Variants in AKAP9 observed in about 807,000 individuals in gnomAD.
AKAP9 encodes the protein A-kinase anchor protein 9.
Under a neutral mutation model 488.5 loss-of-function variants are expected in AKAP9, and 311 were observed. The ratio of observed to expected loss-of-function variants is 0.64; its 90% CI spans 0.58 to 0.70. The LOEUF is 0.70. Ranked by LOEUF, AKAP9 falls within the 30% of genes least tolerant of loss-of-function variation. AKAP9 has a pLI of 0.00. For synonymous variants in AKAP9, 1,462 were observed against 1,483.5 expected (o/e 0.99, Z 0.33); for missense variants, 4,215 against 4,374.5 (o/e 0.96, Z 1.03).
rs1805987918 is a variant in AKAP9 at position 92,040,876 on chromosome 7, G to A, written c.4895G>A (p.Arg1632Lys). 4 of 1,613,100 alleles carry A rather than the reference G, an allele frequency of 2.5e-6. No individual in the cohort carries two copies. Among genetic ancestry groups the A allele is most frequent in the Non-Finnish European group, 3.4e-6 (4 of 1,179,504 alleles). The change falls in exon 18 of 50, where the codon AGA (arginine) becomes AAA (lysine). Residue 1632 changes from arginine (R) to lysine (K), a missense_variant. This residue lies in a region of AKAP9 where 2,361 missense variants were observed against 2,430.0 expected (regional missense o/e 0.97). Transcript: ENST00000356239. ...DQEQLQEEIK[R>K]LNRQLAQRSS... ...GAACAGCTACAAGAAGAGATTAAGA[G>A]ACTTAATAGACAATTAGCCCAGGTA...
intron 2 of AKAP9, among the ~76,000 whole-genome samples, chr7:91,974,211 A>G (rs576975027): frequency 6.6e-6 from 1 of 152,226 alleles, no homozygotes; most frequent in Non-Finnish European, 1.5e-5. Flanking sequence ...CAGAGTTACA[A>G]AGATGGATAT....
At position 92,001,010 on chromosome 7, in the gene AKAP9, C is replaced by G. The variant is rs1212247049; in HGVS notation, c.1093C>G (p.Gln365Glu). Residue 365 changes from glutamine (Q) to glutamate (E), a missense_variant, in exon 8 of 50, where the codon CAG (glutamine) becomes GAG (glutamate). Around this residue, in one of 5 missense-constraint regions of AKAP9, gnomAD observed 2,361 missense variants for 2,430.0 expected, o/e 0.97. Coordinates refer to ENST00000356239, the MANE Select transcript of AKAP9 (RefSeq NM_005751.5). ...ADKLLGELQE[Q>E]IVQKNQEIKN... ...TAAATTACTAGGAGAATTACAAGAA[C>G]AGATTGTGCAAAAGAACCAAGAAAT... The G allele has an allele frequency of 6.4e-7, 1 of 1,559,004 alleles. No individual in the cohort carries two copies. The highest frequency in any genetic ancestry group is 1.2e-5 in the South Asian group (1 of 82,878).
At chr7:92,017,874 T>C (rs1271515400) in intron 12 of AKAP9, among the ~76,000 whole-genome samples, 1 of 152,220 alleles carries the variant, frequency 6.6e-6, no homozygotes, top group Non-Finnish European at 1.5e-5. Flanking sequence ...TTTCCAAAAA[T>C]CTATAAACCT....
In AKAP9 at chr7:92,110,215, A is replaced by C. The variant is rs891676368; in HGVS notation, c.*56A>C. On this transcript the variant is annotated 3_prime_UTR_variant, in exon 50 of 50. Transcript: ENST00000356239. ...TTAAATAGATTTCCTTTTGTAAATC[A>C]ATGGTTCTTTTGTGCTTTTGTATTG... The C allele has an allele frequency of 2.2e-6, 3 of 1,383,194 alleles. No homozygotes were observed. Among genetic ancestry groups the C allele is most frequent in the Admixed American group, 1.8e-5 (1 of 54,232 alleles). The allele number at this position is 1,383,194 out of a possible 1,614,324, so 85.7% of individuals were successfully genotyped here. A position where few individuals can be genotyped will look rare whatever the true frequency, so the allele number is the denominator to read the frequency against.
rs993501626 is a variant in AKAP9, at chr7:92,110,474, T to G, written c.*315T>G. On this transcript the variant is annotated 3_prime_UTR_variant, in exon 50 of 50. Transcript: ENST00000356239. The stretch of plus-strand genomic sequence containing the variant: ...AAACTTTTACGCATTACAATACTGC[T>G]GAATGTGTAGCTCGAGGTGTCCTGC... 1 of 385,206 alleles carries G rather than the reference T, an allele frequency of 2.6e-6. No homozygotes were observed. The highest frequency in any genetic ancestry group is 2.0e-5 in the African/African-American group (1 of 49,006). The allele number at this position is 385,206 out of a possible 1,614,324, so 23.9% of individuals were successfully genotyped here. A position where few individuals can be genotyped will look rare whatever the true frequency, so the allele number is the denominator to read the frequency against.
At chr7:91,990,377 G>C (rs1345363033) in intron 3 of AKAP9, among the ~76,000 whole-genome samples, 1 of 152,022 alleles carries the variant, frequency 6.6e-6, no homozygotes, top group Non-Finnish European at 1.5e-5. Flanking sequence ...CTGATATTCT[G>C]TTAAGTGTTC....
At chr7:92,081,972 T>G (rs1326839297) in intron 31 of AKAP9, among the ~76,000 whole-genome samples, 1 of 152,210 alleles carries the variant, frequency 6.6e-6, no homozygotes, top group Non-Finnish European at 1.5e-5. Flanking sequence ...AATATAACTT[T>G]CTTTTTTTCC....
intron 9 of AKAP9, among the ~76,000 whole-genome samples, chr7:92,013,436 G>T (rs1801069781): frequency 6.6e-6 from 1 of 152,164 alleles, no homozygotes; most frequent in Non-Finnish European, 1.5e-5. Context: ...ATTAGAAAAA[G>T]TTTTATTCTG....
In AKAP9 at chr7:91,941,001, C is replaced by T. The variant is rs558874560; in HGVS notation, c.-99C>T. The T allele has an allele frequency of 4.0e-6, 5 of 1,253,114 alleles. No individual in the cohort carries two copies. In the East Asian group the frequency reaches 6.9e-5, roughly 17 times the overall value. 77.6% of individuals were successfully genotyped at this position (1,253,114 alleles called of 1,614,324 possible). On this transcript the variant is annotated 5_prime_UTR_variant, in exon 1 of 50. Coordinates refer to ENST00000356239, the MANE Select transcript of AKAP9 (RefSeq NM_005751.5). ...GCCGGACCGAATCGGCTCTCTAGGC[C>T]GTGGAGCTTGCCGTCCCACCTCCGT...
intron 17 of AKAP9, among the ~76,000 whole-genome samples, chr7:92,039,222 G>GT (rs1395134318): frequency 2.0e-5 from 3 of 152,068 alleles, no homozygotes; most frequent in African/African-American, 7.2e-5. Flanking sequence ...CTGTTAATGT[G>GT]TTTTATTAAT....
intron 46 of AKAP9, among the ~76,000 whole-genome samples, chr7:92,104,117 A>G (rs1383056775): frequency 6.6e-6 from 1 of 152,092 alleles, no homozygotes; most frequent in Non-Finnish European, 1.5e-5. Flanking sequence ...AGGCAGACAG[A>G]ATCTTAAAGG....
intron 26 of AKAP9, among the ~76,000 whole-genome samples, chr7:92,068,433 A>AACATATT (rs1296270469): frequency 6.6e-6 from 1 of 151,934 alleles, no homozygotes. Flanking sequence ...ATTTCTGACA[A>AACATATT]ACATATTTTT....
At chr7:92,049,299 TCCAAGA>T (rs909865525) in intron 21 of AKAP9, among the ~76,000 whole-genome samples, 2 of 152,064 alleles carry the variant, frequency 1.3e-5, no homozygotes, top group Non-Finnish European at 2.9e-5. Context: ...AATTTTTCCC[TCCAAGA>T]CTGGTTATTA....
intron 1 of AKAP9, among the ~76,000 whole-genome samples, chr7:91,955,985 T>C (rs577275309): frequency 1.2e-4 from 19 of 152,246 alleles, no homozygotes; most frequent in African/African-American, 4.3e-4. Context: ...TTATTATGTA[T>C]TTCCTCATTT....
chr7:92,041,694 C>A, intron 18 of AKAP9: 1 of 217,448 alleles, frequency 4.6e-6, no homozygotes, highest in Non-Finnish European at 9.4e-6. Flanking sequence ...TTCTTTCAAA[C>A]ATAAAATAAT....
chr7:91,995,789 G>C lies in AKAP9; in HGVS notation c.919G>C (p.Val307Leu), dbSNP rs989895553. Residue 307 changes from valine (V) to leucine (L), a missense_variant, in exon 7 of 50, where the codon GTA becomes CTA. Val to Leu is a conservative substitution (Grantham distance 32). Transcript: ENST00000356239. ...QISFLQEKIK[V>L]YEMEQDKKVE... The stretch of plus-strand genomic sequence containing the variant: ...TAGTTTCTTGCAAGAGAAAATTAAA[G>C]TATATGAAATGGTATGTTTATTTTA... 6.2e-7 allele frequency: 1 copy of C among 1,603,524 alleles called. No homozygotes were observed. The highest frequency in any genetic ancestry group is 1.7e-5 in the Admixed American group (1 of 59,748).
chr7:92,063,305 C>G (rs1321311902), intron 24 of AKAP9, among the ~76,000 whole-genome samples: 3 of 152,214 alleles, frequency 2.0e-5, no homozygotes, highest in South Asian at 4.1e-4. Context: ...TCAAGAAATA[C>G]TGGAACTTCT....
At chr7:91,954,426 A>C (rs1185034071) in intron 1 of AKAP9, among the ~76,000 whole-genome samples, 3 of 152,156 alleles carry the variant, frequency 2.0e-5, no homozygotes, top group African/African-American at 7.2e-5. Flanking sequence ...CTGGGACTAC[A>C]GGTACACACC....
At chr7:91,956,317 G>A (rs1403916598) in intron 1 of AKAP9, among the ~76,000 whole-genome samples, 4 of 150,852 alleles carry the variant, frequency 2.7e-5, no homozygotes, top group South Asian at 2.1e-4. Context: ...GGAGAATGGC[G>A]TGGACCCGGG....
Sources: gnomAD v4.1 joint callset for allele counts (sites outside exome capture counted in the v4.1 genomes callset) on GRCh38, gnomAD v4.1.1 for gene constraint, gnomAD v4.1.1 regional missense constraint, MANE v1.5 for transcripts, NCBI Gene and HGNC (gene_info 2026-07-23, HGNC 2026-07-21) for gene names.